TLK1: variants seen among roughly 807,000 people sequenced by gnomAD.
The protein encoded by TLK1 is serine/threonine-protein kinase tousled-like 1.
A neutral mutation model predicts 105.3 loss-of-function variants in TLK1; 24 were observed. The observed-to-expected ratio is 0.23, with a 90% CI of 0.17 to 0.32. The LOEUF is 0.32. Ranked by LOEUF, TLK1 falls within the 10% of genes least tolerant of loss-of-function variation. TLK1 has a pLI of 1.00. For missense variants in TLK1, 558 were observed against 910.5 expected, an observed-to-expected ratio of 0.61 and a Z score of 4.98; for synonymous variants, 321 against 310.4, an observed-to-expected ratio of 1.03 and a Z score of -0.36.
chr2:171,213,504 A>C (rs1365253165), intron 1 of TLK1, among the ~76,000 whole-genome samples: 1 of 151,634 alleles, frequency 6.6e-6, no homozygotes, highest in South Asian at 2.1e-4. Flanking sequence ...TGCCAGGCCT[A>C]TATCTTTTTT....
chr2:171,082,294 G>A (rs1688791672), intron 3 of TLK1, among the ~76,000 whole-genome samples: 1 of 151,998 alleles, frequency 6.6e-6, no homozygotes, highest in Non-Finnish European at 1.5e-5. Context: ...GAGGGATTAA[G>A]AGGGGAGGGA....
intron 3 of TLK1, among the ~76,000 whole-genome samples, chr2:171,067,899 G>A (rs1377894270): frequency 1.3e-5 from 2 of 152,254 alleles, no homozygotes; most frequent in East Asian, 3.9e-4. Context: ...GTGTTAGTTT[G>A]CTGAGAATGA....
intron 18 of TLK1, among the ~76,000 whole-genome samples, chr2:170,998,095 T>TACCTACCTACC (rs1684165192): frequency 2.0e-5 from 3 of 150,622 alleles, no homozygotes; most frequent in African/African-American, 4.9e-5. Flanking sequence ...TCTATCTACC[T>TACCTACCTACC]ACCTACCTAC....
intron 1 of TLK1, among the ~76,000 whole-genome samples, chr2:171,222,324 C>A (rs955340869): frequency 1.3e-5 from 2 of 152,002 alleles, no homozygotes; most frequent in African/African-American, 4.8e-5. Context: ...TTTCCTAATT[C>A]TTTTTTATTT....
intron 3 of TLK1, among the ~76,000 whole-genome samples, chr2:171,074,648 A>C (rs1298907894): frequency 1.3e-5 from 2 of 151,596 alleles, no homozygotes; most frequent in Non-Finnish European, 2.9e-5. Flanking sequence ...AAAAAAAAGA[A>C]AGAAAGAAAG....
intron 2 of TLK1, among the ~76,000 whole-genome samples, chr2:171,085,454 T>C (rs566544386): frequency 1.3e-5 from 2 of 152,094 alleles, no homozygotes; most frequent in South Asian, 2.1e-4. Context: ...TTGTCAGTTG[T>C]TGTTTTTTAA....
intron 1 of TLK1, among the ~76,000 whole-genome samples, chr2:171,128,752 GTATA>G (rs764962453): frequency 6.6e-6 from 1 of 151,204 alleles, no homozygotes; most frequent in Non-Finnish European, 1.5e-5. Context: ...ACATGTACAT[GTATA>G]TATATATACA....
intron 8 of TLK1, among the ~76,000 whole-genome samples, chr2:171,050,752 A>C (rs1214870605): frequency 6.6e-6 from 1 of 152,214 alleles, no homozygotes; most frequent in African/African-American, 2.4e-5. Context: ...ATATGCTCAG[A>C]GAAGAGGCTT....
At chr2:171,041,336 C>A (rs1163434331) in intron 11 of TLK1, among the ~76,000 whole-genome samples, 1 of 152,162 alleles carries the variant, frequency 6.6e-6, no homozygotes, top group Non-Finnish European at 1.5e-5. Flanking sequence ...AGTAAAATAA[C>A]TTACTAAAAA....
intron 2 of TLK1, among the ~76,000 whole-genome samples, chr2:171,107,531 G>C (rs917864657): frequency 2.0e-5 from 3 of 152,094 alleles, no homozygotes. Context: ...AGCATAACTA[G>C]CACCTAGATG....
At chr2:171,019,087 C>T (rs1022381365) in intron 12 of TLK1, among the ~76,000 whole-genome samples, 2 of 151,332 alleles carry the variant, frequency 1.3e-5, no homozygotes, top group African/African-American at 4.9e-5. Flanking sequence ...AAGTAACTTG[C>T]AAAAAACACC....
intron 1 of TLK1, among the ~76,000 whole-genome samples, chr2:171,226,810 C>T (rs1053000988): frequency 6.6e-6 from 1 of 151,940 alleles, no homozygotes; most frequent in African/African-American, 2.4e-5. Context: ...CAAAAATCAT[C>T]CAGCTAGAAT....
Position 171,173,640 on chromosome 2 carries a change from G to A in TLK1, c.-5-55783C>T, listed in dbSNP as rs375179067. On this transcript the variant is annotated intron_variant, in intron 1 of 20. Transcript: ENST00000521943. ...CTCCTGGGCTCAAGGCATCCTCCCC[G>A]CTCGGCTTCCCAAAGCCTGGTATTA... Among the ~76,000 whole-genome samples, 142 of 152,012 alleles carry A rather than the reference G, an allele frequency of 9.3e-4. 2 individuals carry two copies. In the South Asian group the frequency reaches 0.028, roughly 30 times the overall value.
At chr2:171,024,975 G>A (rs1400906789) in intron 12 of TLK1, among the ~76,000 whole-genome samples, 1 of 152,194 alleles carries the variant, frequency 6.6e-6, no homozygotes, top group South Asian at 2.1e-4. Flanking sequence ...AAAAAGTGAC[G>A]CTCTGCTGTG....
intron 4 of TLK1, among the ~76,000 whole-genome samples, 157 bp downstream of exon 4, chr2:171,060,923 GA>G (rs939120550): frequency 7.2e-5 from 11 of 152,254 alleles, no homozygotes; most frequent in African/African-American, 2.6e-4. Context: ...GGGCAACATT[GA>G]AAAGCCTAAA....
At chr2:171,012,207 A>G (rs1160632627) in intron 13 of TLK1, among the ~76,000 whole-genome samples, 2 of 152,164 alleles carry the variant, frequency 1.3e-5, no homozygotes, top group South Asian at 2.1e-4. Flanking sequence ...CAGATTTTAG[A>G]GAAGTTTACA....
At chr2:171,080,663 A>C (rs1688709714) in intron 3 of TLK1, among the ~76,000 whole-genome samples, 1 of 151,412 alleles carries the variant, frequency 6.6e-6, no homozygotes, top group East Asian at 1.9e-4. Context: ...TAATTTGTAA[A>C]ACTCCAAGAC....
At chr2:171,117,217 G>A (rs771314244) in intron 2 of TLK1, among the ~76,000 whole-genome samples, 1 of 152,160 alleles carries the variant, frequency 6.6e-6, no homozygotes, top group Admixed American at 6.5e-5. Flanking sequence ...TCCCTTGCAT[G>A]TGCACAGTTC....
intron 11 of TLK1, among the ~76,000 whole-genome samples, chr2:171,029,934 C>T (rs1220947934): frequency 5.3e-5 from 8 of 152,254 alleles, no homozygotes; most frequent in African/African-American, 1.4e-4. Context: ...TTAGTAGAGA[C>T]GGAGTTTTGC....
Sources: gnomAD v4.1 joint callset for allele counts (sites outside exome capture counted in the v4.1 genomes callset) on GRCh38, gnomAD v4.1.1 for gene constraint, MANE v1.5 for transcripts, NCBI Gene and HGNC (gene_info 2026-07-23, HGNC 2026-07-21) for gene names.